The following ROBO1 variants were observed in gnomAD, a reference collection of about 807,000 sequenced individuals.
ROBO1 encodes the protein roundabout guidance receptor 1, also known as roundabout homolog 1.
A neutral mutation model predicts 195.9 loss-of-function variants in ROBO1; 149 were observed. The ratio of observed to expected loss-of-function variants is 0.76; its 90% confidence interval spans 0.67 to 0.87. The LOEUF (loss-of-function observed/expected upper bound fraction) is 0.87, where lower values mean the gene tolerates loss of function less well. Ranked by LOEUF, ROBO1 falls within the 40% of genes least tolerant of loss-of-function variation. The probability of loss-of-function intolerance (pLI) is 0.00; values close to 1 mark genes in which losing one functional copy is unlikely to be tolerated. For missense variants in ROBO1, 1,933 were observed against 2,068.3 expected, an observed-to-expected ratio of 0.93 and a Z score of 1.27; for synonymous variants, 816 against 733.2, an observed-to-expected ratio of 1.11 and a Z score of -1.82.
chr3:79,398,261 G>T, intron 2 of ROBO1, among the ~76,000 whole-genome samples: 1 of 151,964 alleles, frequency 6.6e-6, no homozygotes. Flanking sequence ...TTAATATACA[G>T]AAATATATAC....
intron 2 of ROBO1, among the ~76,000 whole-genome samples, chr3:79,213,511 C>G (rs1276158721): frequency 6.6e-6 from 1 of 151,994 alleles, no homozygotes; most frequent in Non-Finnish European, 1.5e-5. Context: ...TATGCTGTCT[C>G]TAACCACTTT....
At chr3:78,972,241 T>C (rs369844453) in intron 3 of ROBO1, among the ~76,000 whole-genome samples, 4 of 152,276 alleles carry the variant, frequency 2.6e-5, no homozygotes, top group African/African-American at 9.6e-5. Context: ...AGTTTGAGTA[T>C]TTTCCAAGAA....
At chr3:79,553,630 T>G (rs1360821520) in intron 2 of ROBO1, among the ~76,000 whole-genome samples, 1 of 152,244 alleles carries the variant, frequency 6.6e-6, no homozygotes, top group East Asian at 1.9e-4. Context: ...TATGAATGAT[T>G]ATGTAAACAT....
At chr3:78,802,913 T>C (rs1045884930) in intron 4 of ROBO1, among the ~76,000 whole-genome samples, 3 of 152,180 alleles carry the variant, frequency 2.0e-5, no homozygotes, top group African/African-American at 7.2e-5. Flanking sequence ...TACACATTTG[T>C]CATGATGACT....
chr3:79,457,040 T>G (rs1002574941), intron 2 of ROBO1, among the ~76,000 whole-genome samples: 2 of 152,206 alleles, frequency 1.3e-5, no homozygotes, highest in Non-Finnish European at 2.9e-5. Flanking sequence ...CTCCAAGTAA[T>G]TTAATACTGG....
chr3:79,536,753 C>A (rs542081280), intron 2 of ROBO1, among the ~76,000 whole-genome samples: 1 of 152,190 alleles, frequency 6.6e-6, no homozygotes, highest in Non-Finnish European at 1.5e-5. Context: ...ACTTAAAATT[C>A]TATGATAAAA....
chr3:79,164,993 T>C (rs570205114), intron 2 of ROBO1, among the ~76,000 whole-genome samples: 1 of 152,330 alleles, frequency 6.6e-6, no homozygotes, highest in Non-Finnish European at 1.5e-5. Context: ...TCATTTTTTT[T>C]CCTGATACTT....
intron 4 of ROBO1, among the ~76,000 whole-genome samples, chr3:78,898,800 C>G (rs2037412281): frequency 6.6e-6 from 1 of 151,954 alleles, no homozygotes; most frequent in African/African-American, 2.4e-5. Flanking sequence ...ACATGGAAGT[C>G]CATACATAAA....
At chr3:79,540,380 T>C (rs975568098) in intron 2 of ROBO1, among the ~76,000 whole-genome samples, 5 of 152,096 alleles carry the variant, frequency 3.3e-5, no homozygotes, top group Admixed American at 1.3e-4. Context: ...TATCTTTTAG[T>C]TTTATAGGTT....
intron 8 of ROBO1, among the ~76,000 whole-genome samples, chr3:78,712,050 A>AAAAAAAC (rs1559775324): frequency 9.9e-6 from 1 of 100,968 alleles, no homozygotes; most frequent in African/African-American, 3.6e-5. Context: ...AAAAAAAAAA[A>AAAAAAAC]CTCTCAAATC....
At chr3:78,996,352 A>C (rs1010236884) in intron 3 of ROBO1, among the ~76,000 whole-genome samples, 4 of 146,082 alleles carry the variant, frequency 2.7e-5, no homozygotes, top group African/African-American at 1.0e-4. Context: ...AAAAAAAAAA[A>C]CTCCCACTTT....
intron 2 of ROBO1, among the ~76,000 whole-genome samples, chr3:79,147,738 T>C (rs1012490974): frequency 6.6e-6 from 1 of 152,034 alleles, no homozygotes; most frequent in East Asian, 1.9e-4. Context: ...CTTAGTTTCA[T>C]ATACAGCATT....
chr3:78,872,896 G>A (rs915037622), intron 4 of ROBO1, among the ~76,000 whole-genome samples: 4 of 152,078 alleles, frequency 2.6e-5, no homozygotes, highest in Admixed American at 6.6e-5. Context: ...ATAATATGAA[G>A]TAGTAAGGGT....
chr3:79,729,436 A>T (rs1013603642), intron 1 of ROBO1, among the ~76,000 whole-genome samples: 5 of 152,312 alleles, frequency 3.3e-5, no homozygotes, highest in Middle Eastern at 3.4e-3. Flanking sequence ...AAACTGAATC[A>T]TAATTAAGAC....
intron 3 of ROBO1, among the ~76,000 whole-genome samples, chr3:79,028,442 A>G (rs527450405): frequency 8.5e-5 from 13 of 152,072 alleles, no homozygotes; most frequent in Admixed American, 2.6e-4. Flanking sequence ...GAATCCCATT[A>G]GATGAATGTG....
At chr3:79,587,901 CT>C (rs1244005131) in intron 2 of ROBO1, among the ~76,000 whole-genome samples, 7 of 151,550 alleles carry the variant, frequency 4.6e-5, no homozygotes, top group Non-Finnish European at 7.4e-5. Context: ...TGCAGGTGTT[CT>C]TTTTGAAAAG....
At chr3:79,761,400 C>A (rs1704690608) in intron 1 of ROBO1, among the ~76,000 whole-genome samples, 1 of 151,898 alleles carries the variant, frequency 6.6e-6, no homozygotes, top group Non-Finnish European at 1.5e-5. Context: ...AGCAAATTTA[C>A]CACACTGGTT....
intron 2 of ROBO1, among the ~76,000 whole-genome samples, chr3:79,213,177 G>A (rs1245867638): frequency 2.0e-5 from 3 of 151,704 alleles, no homozygotes; most frequent in Non-Finnish European, 2.9e-5. Context: ...CCTTGGAGGT[G>A]GAGGTTGCAG....
chr3:78,914,448 T>C (rs1459446076), intron 4 of ROBO1, among the ~76,000 whole-genome samples: 1 of 151,966 alleles, frequency 6.6e-6, no homozygotes, highest in Non-Finnish European at 1.5e-5. Context: ...ATAATGCCCC[T>C]AAGAACTAGA....
Sources: gnomAD v4.1 joint callset for allele counts (sites outside exome capture counted in the v4.1 genomes callset) on GRCh38, gnomAD v4.1.1 for gene constraint, MANE v1.5 for transcripts, NCBI Gene and HGNC (gene_info 2026-07-23, HGNC 2026-07-21) for gene names.